The following LPP variants were observed in gnomAD, a reference collection of about 807,000 sequenced individuals.
LPP encodes lipoma-preferred partner.
LPP carries 38 observed loss-of-function variants against 60.4 expected under a neutral mutation model. The observed-to-expected ratio is 0.63, with a 90% CI of 0.49 to 0.83. LPP has a LOEUF of 0.83. LPP is among the 40% of genes least tolerant of loss of function. LPP has a pLI of 0.00. For missense variants in LPP, 902 were observed against 783.6 expected (o/e 1.15, Z -1.80); for synonymous variants, 328 against 290.8 (o/e 1.13, Z -1.30).
At chr3:188,430,335 A>G (rs535517914) in intron 4 of LPP, among the ~76,000 whole-genome samples, 1 of 152,264 alleles carries the variant, frequency 6.6e-6, no homozygotes, top group East Asian at 1.9e-4. Context: ...TATATTGTAC[A>G]TGGGTTTAAG....
chr3:188,650,923 A>G (rs1188772076), intron 7 of LPP, among the ~76,000 whole-genome samples: 1 of 152,172 alleles, frequency 6.6e-6, no homozygotes, highest in African/African-American at 2.4e-5. Flanking sequence ...TGAGAAACCA[A>G]ATGACCCACA....
chr3:188,349,165 T>G (rs6787621), intron 3 of LPP, among the ~76,000 whole-genome samples: 93,914 of 151,832 alleles, frequency 0.62, 30,776 homozygotes, highest in Non-Finnish European at 0.74. Context: ...ACCCTATTAC[T>G]CAATTCCTAG....
intron 2 of LPP, among the ~76,000 whole-genome samples, chr3:188,335,555 C>A (rs1404492119): frequency 1.3e-5 from 2 of 151,952 alleles, no homozygotes; most frequent in Non-Finnish European, 2.9e-5. Flanking sequence ...TCATGAAATT[C>A]TTTATTTTTG....
rs1457523313 is a variant in LPP, at chr3:188,721,571, CA to C, written c.1240+13184del. 2.6e-5 allele frequency among the ~76,000 whole-genome samples: 4 copies of C among 151,908 alleles called. No homozygotes were observed. In the East Asian group the frequency reaches 5.8e-4, roughly 22 times the overall value. On this transcript the variant is annotated intron_variant, in intron 8 of 11. Coordinates refer to ENST00000617246, the MANE Select transcript of LPP (RefSeq NM_001375462.1). ...TCTGTCTCAACAAAACAAAACAAAA[CA>C]AAAAACAAAGTTCATTTCATGCACC...
chr3:188,246,725 G>T (rs1314247312), intron 2 of LPP, among the ~76,000 whole-genome samples: 1 of 152,202 alleles, frequency 6.6e-6, no homozygotes, highest in African/African-American at 2.4e-5. Flanking sequence ...GGACTCAGAT[G>T]ATTATTTAAC....
rs979825848 is a variant in LPP, at chr3:188,777,796, A to G, written c.1410+17514A>G. On this transcript the variant is annotated intron_variant, in intron 9 of 11. Transcript: ENST00000617246. ...AGAGATTTTCTGTTGGCCCTTGGGT[A>G]TAACAGATTTTTATTTATACATTTG... Among the ~76,000 whole-genome samples the G allele has an allele frequency of 5.9e-5, 9 of 152,310 alleles. No individual in the cohort carries two copies. The East Asian group carries it at 1.7e-3, about 29-fold the overall frequency.
Position 188,874,563 on chromosome 3 carries a change from C to G in LPP, c.*84C>G. 1 of 1,443,142 alleles carries G rather than the reference C, an allele frequency of 6.9e-7. No individual in the cohort carries two copies. The highest frequency in any genetic ancestry group is 1.3e-5 in the South Asian group (1 of 77,470). 89.4% of individuals were successfully genotyped at this position (1,443,142 alleles called of 1,614,324 possible). ...TACTAGAGTAAAGGCCATCAAACTA[C>G]GCGATAGTCTCTGTTCTTCATCTGC... On this transcript the variant is annotated 3_prime_UTR_variant, in exon 12 of 12. Transcript: ENST00000617246.
At chr3:188,656,040 A>C (rs999508425) in intron 7 of LPP, among the ~76,000 whole-genome samples, 1 of 151,980 alleles carries the variant, frequency 6.6e-6, no homozygotes, top group African/African-American at 2.4e-5. Context: ...TAATACAAAA[A>C]AAATAGCCAG....
chr3:188,774,810 A>G (rs1274568780), intron 9 of LPP, among the ~76,000 whole-genome samples: 1 of 152,156 alleles, frequency 6.6e-6, no homozygotes, highest in South Asian at 2.1e-4. Flanking sequence ...CACTAGTACC[A>G]TCATGAGGGC....
chr3:188,318,589 TCTAC>T (rs1245305965), intron 2 of LPP, among the ~76,000 whole-genome samples: 1 of 151,994 alleles, frequency 6.6e-6, no homozygotes, highest in Admixed American at 6.6e-5. Flanking sequence ...CTTCCTTCCA[TCTAC>T]CTACCTACCT....
intron 11 of LPP, among the ~76,000 whole-genome samples, chr3:188,873,755 C>T (rs1356549095): frequency 1.3e-5 from 2 of 152,178 alleles, no homozygotes; most frequent in African/African-American, 4.8e-5. Flanking sequence ...AATCTTTGCT[C>T]TCCACAATGC....
At chr3:188,494,720 T>C (rs767424674) in intron 5 of LPP, among the ~76,000 whole-genome samples, 1 of 151,978 alleles carries the variant, frequency 6.6e-6, no homozygotes, top group Non-Finnish European at 1.5e-5. Flanking sequence ...ATGCGATGGT[T>C]AACACTGCAA....
chr3:188,765,696 T>G (rs1300187593), intron 9 of LPP, among the ~76,000 whole-genome samples: 1 of 147,472 alleles, frequency 6.8e-6, no homozygotes, highest in Non-Finnish European at 1.5e-5. Context: ...CGTGCTAACA[T>G]TCAGCAACTA....
At chr3:188,494,296 G>T (rs1809298439) in intron 5 of LPP, among the ~76,000 whole-genome samples, 1 of 152,162 alleles carries the variant, frequency 6.6e-6, no homozygotes, top group Non-Finnish European at 1.5e-5. Flanking sequence ...GGTGAGGGCT[G>T]CAGGAGCTGT....
At chr3:188,160,652 C>A (rs1041248540) in intron 1 of LPP, among the ~76,000 whole-genome samples, 4 of 152,200 alleles carry the variant, frequency 2.6e-5, no homozygotes, top group African/African-American at 7.2e-5. Context: ...CCCTTCCAAC[C>A]CACACGTATC....
At chr3:188,563,460 A>ATGTGTGTG (rs59514913) in intron 6 of LPP, among the ~76,000 whole-genome samples, 55 of 142,032 alleles carry the variant, frequency 3.9e-4, no homozygotes, top group African/African-American at 1.3e-3. Context: ...TTACATATAT[A>ATGTGTGTG]TGTGTGTGTG....
At chr3:188,406,401 A>G (rs1280768496) in intron 4 of LPP, 88 bp downstream of exon 4, 1 of 1,282,928 alleles carries the variant, frequency 7.8e-7, no homozygotes, top group East Asian at 2.4e-5. Flanking sequence ...TGTCAGAAAA[A>G]CGTAGTTTGT....
At chr3:188,710,743 C>A (rs1286791847) in intron 8 of LPP, 1 of 146,194 alleles carries the variant, frequency 6.8e-6, no homozygotes, top group African/African-American at 2.4e-5. Flanking sequence ...AATATCATAG[C>A]AACAAAATAT....
intron 7 of LPP, among the ~76,000 whole-genome samples, chr3:188,652,130 C>A (rs1280864265): frequency 6.6e-6 from 1 of 152,114 alleles, no homozygotes; most frequent in East Asian, 1.9e-4. Flanking sequence ...ACATGAAATG[C>A]AAGAGAAAAG....
Sources: gnomAD v4.1 joint callset for allele counts (sites outside exome capture counted in the v4.1 genomes callset) on GRCh38, gnomAD v4.1.1 for gene constraint, MANE v1.5 for transcripts, NCBI Gene and HGNC (gene_info 2026-07-23, HGNC 2026-07-21) for gene names.